Variants in CCDC124 observed in about 807,000 individuals in gnomAD.
The protein encoded by CCDC124 is coiled-coil domain containing 124.
In CCDC124, 9 loss-of-function variants were observed where a neutral mutation model predicts 19.8. The ratio of observed to expected loss-of-function variants is 0.45; its 90% CI spans 0.27 to 0.79. The LOEUF (loss-of-function observed/expected upper bound fraction) is 0.79. CCDC124 is among the 30% of genes least tolerant of loss of function. The pLI is 0.14. For synonymous variants in CCDC124, 126 were observed against 131.3 expected, an observed-to-expected ratio of 0.96 and a Z score of 0.27; for missense variants, 285 against 319.0, an observed-to-expected ratio of 0.89 and a Z score of 0.81.
chr19:17,943,242 C>CTGGG lies in CCDC124; in HGVS notation c.350-19_350-18insTGGG. ...TTTGCTTATCTCTCTCTGTCTCTGT[C>CTGGG]ACCCACCCACCCGCCCAGCCGAGAA... On this transcript the variant is annotated intron_variant, in intron 3 of 4. Transcript: ENST00000445755. 1.2e-4 allele frequency: 85 copies of CTGGG among 734,290 alleles called. No homozygotes were observed. Among genetic ancestry groups the CTGGG allele is most frequent in the East Asian group, 2.7e-4 (10 of 36,888 alleles). The allele number at this position is 734,290 out of a possible 1,614,324, so 45.5% of individuals were successfully genotyped here.
chr19:17,941,839 A>C (rs1240450513), intron 2 of CCDC124, among the ~76,000 whole-genome samples: 1 of 152,128 alleles, frequency 6.6e-6, no homozygotes, highest in East Asian at 1.9e-4. Context: ...GTCCCTGGGA[A>C]GGCTGAAGGT....
Position 17,936,533 on chromosome 19 carries a change from A to C in CCDC124, c.113A>C (p.Tyr38Ser). The change falls in exon 2 of 5, where the codon TAC becomes TCC. Residue 38 changes from tyrosine to serine, a missense_variant. Coordinates refer to ENST00000445755, the MANE Select transcript of CCDC124 (RefSeq NM_001136203.2). ...AAGCAGAAGGAGCTGGAGGATGCCT[A>C]CTGGAAGGACGACGACAAACACGTC... ...AKKQKELEDA[Y>S]WKDDDKHVMR... 6.2e-7 allele frequency: 1 copy of C among 1,613,664 alleles called. No homozygotes were observed. The highest frequency in any genetic ancestry group is 8.5e-7 in the Non-Finnish European group (1 of 1,179,880).
intron 2 of CCDC124, among the ~76,000 whole-genome samples, chr19:17,941,917 G>T (rs2031191691): frequency 6.6e-6 from 1 of 152,136 alleles, no homozygotes; most frequent in Non-Finnish European, 1.5e-5. Context: ...CCAGGGCCCT[G>T]CAGGAGTGCC....
Position 17,942,717 on chromosome 19 carries a change from T to G in CCDC124, c.221T>G (p.Leu74Arg), listed in dbSNP as rs1250478697. 12 of 1,552,798 alleles carry G rather than the reference T, an allele frequency of 7.7e-6. No individual in the cohort carries two copies. The highest frequency in any genetic ancestry group is 9.6e-6 in the Non-Finnish European group (11 of 1,148,314). ...LERKKETQRL[L>R]EEEDSKLKGG... ...CGTAAGAAGGAGACGCAGCGCCTAC[T>G]GGAGGAGGAGGACTCCAAGCTCAAG... Residue 74 changes from leucine (L) to arginine (R), a missense_variant, in exon 3 of 5, where the codon CTG becomes CGG. Physicochemically the swap from Leu to Arg is moderately radical, Grantham distance 102 (BLOSUM62 -2). Coordinates refer to ENST00000445755, the MANE Select transcript of CCDC124 (RefSeq NM_001136203.2). The surrounding 1 kb of genome is among the most constrained non-coding windows in gnomAD (Gnocchi z 4.2).
chr19:17,942,252 C>T lies in CCDC124; in HGVS notation c.160-404C>T, dbSNP rs949032534. 5.3e-5 allele frequency among the ~76,000 whole-genome samples: 8 copies of T among 151,962 alleles called. No individual in the cohort carries two copies. Among genetic ancestry groups the T allele is most frequent in the Admixed American group, 5.2e-4 (8 of 15,256 alleles). On this transcript the variant is annotated intron_variant, in intron 2 of 4. Coordinates refer to ENST00000445755, the MANE Select transcript of CCDC124 (RefSeq NM_001136203.2). The surrounding 1 kb of genome is among the most constrained non-coding windows in gnomAD (Gnocchi z 4.2). ...CCTGGCCCCCAGAGGCTCCGCATGGCCCAGCCGTCTCCCTCCCGGCCTCTT... is the reference window on the plus strand; with the variant it reads ...CCTGGCCCCCAGAGGCTCCGCATGGTCCAGCCGTCTCCCTCCCGGCCTCTT...
chr19:17,943,447 G>A, intron 4 of CCDC124, 61 bp from the exon 5 acceptor site: 1 of 1,568,244 alleles, frequency 6.4e-7, no homozygotes, highest in Non-Finnish European at 8.6e-7. Flanking sequence ...CTGGGGGCGG[G>A]GCCGGGCTTT....
intron 1 of CCDC124, among the ~76,000 whole-genome samples, chr19:17,933,544 A>C (rs1880963114): frequency 6.6e-6 from 1 of 152,090 alleles, no homozygotes; most frequent in Non-Finnish European, 1.5e-5. Flanking sequence ...AGCTCCTGCC[A>C]TCTGGGGAGT....
In CCDC124 at chr19:17,943,317, G is replaced by C. The variant is rs1390729773; in HGVS notation, c.406G>C (p.Val136Leu). 8 of 1,339,216 alleles carry C rather than the reference G, an allele frequency of 6.0e-6. No homozygotes were observed. The highest frequency in any genetic ancestry group is 6.2e-4 in the Middle Eastern group (2 of 3,238). 83.0% of individuals were successfully genotyped at this position (1,339,216 alleles called of 1,614,324 possible). The change falls in exon 4 of 5, where the codon GTG becomes CTG. Residue 136 changes from valine to leucine, a missense_variant. Val to Leu is a conservative substitution (Grantham distance 32, BLOSUM62 1). Transcript: ENST00000445755. ...VPLEENVNRR[V>L]LEEGSVEART... ...GCTGGAGGAGAACGTGAACCGCCGC[G>C]TGCTGGAGGAGGGCAGCGTGGAGGC... is the stretch of plus-strand genomic sequence containing the variant.
intron 1 of CCDC124, among the ~76,000 whole-genome samples, chr19:17,933,280 G>A (rs1644653599): frequency 6.6e-6 from 1 of 152,208 alleles, no homozygotes; most frequent in African/African-American, 2.4e-5. Flanking sequence ...GCCCCGGACT[G>A]CCCCTAGGCA....
chr19:17,936,461 C>A lies in CCDC124; in HGVS notation c.41C>A (p.Ala14Glu). Residue 14 changes from alanine (A) to glutamate (E), a missense_variant, in exon 2 of 5, where the codon GCG becomes GAG. Coordinates refer to ENST00000445755, the MANE Select transcript of CCDC124 (RefSeq NM_001136203.2). ...CAGGGTGAGAACACCAAGTCGGCAG[C>A]GGCCCGGGCACGTAGGGCAGAGGCC... ...KFQGENTKSA[A>E]ARARRAEAKA... The A allele has an allele frequency of 1.2e-6, 2 of 1,613,182 alleles. No homozygotes were observed. Among genetic ancestry groups the A allele is most frequent in the Non-Finnish European group, 1.7e-6 (2 of 1,179,768 alleles).
Position 17,943,241 on chromosome 19 carries a change from T to TCGGGGGGCCCCCCCC in CCDC124, c.350-19_350-18insGGGGGGCCCCCCCCC. 14 of 736,674 alleles carry TCGGGGGGCCCCCCCC rather than the reference T, an allele frequency of 1.9e-5. No homozygotes were observed. Among genetic ancestry groups the TCGGGGGGCCCCCCCC allele is most frequent in the Non-Finnish European group, 2.9e-5 (12 of 414,966 alleles). 45.6% of individuals were successfully genotyped at this position (736,674 alleles called of 1,614,324 possible). On this transcript the variant is annotated intron_variant, in intron 3 of 4. Coordinates refer to ENST00000445755, the MANE Select transcript of CCDC124 (RefSeq NM_001136203.2). Reference sequence around the variant, plus strand: ...CTTTGCTTATCTCTCTCTGTCTCTGTCACCCACCCACCCGCCCAGCCGAGA... The same window carrying TCGGGGGGCCCCCCCC: ...CTTTGCTTATCTCTCTCTGTCTCTGTCGGGGGGCCCCCCCCCACCCACCCACCCGCCCAGCCGAGA...
In CCDC124 at chr19:17,936,559, A is replaced by G. The variant is rs1409554149; in HGVS notation, c.139A>G (p.Met47Val). The change falls in exon 2 of 5, where the codon ATG becomes GTG. Residue 47 changes from methionine (M) to valine (V), a missense_variant. Physicochemically the swap from Met to Val is conservative, Grantham distance 21. Coordinates refer to ENST00000445755, the MANE Select transcript of CCDC124 (RefSeq NM_001136203.2). ...CTGGAAGGACGACGACAAACACGTCATGAGGAAGGAGCAGCGCAAGGTGCG... is the reference window on the plus strand; with the variant it reads ...CTGGAAGGACGACGACAAACACGTCGTGAGGAAGGAGCAGCGCAAGGTGCG... ...AYWKDDDKHV[M>V]RKEQRKEEKE... is the part of the protein sequence containing the mutation. 1.9e-6 allele frequency: 3 copies of G among 1,613,190 alleles called. No homozygotes were observed. Among genetic ancestry groups the G allele is most frequent in the East Asian group, 2.2e-5 (1 of 44,874 alleles).
chr19:17,936,209 T>C (rs1173506723), intron 1 of CCDC124: 1 of 499,330 alleles, frequency 2.0e-6, no homozygotes, highest in Non-Finnish European at 3.5e-6. Context: ...CTGGCCTAAA[T>C]GAGCTCATTT....
At chr19:17,939,349 C>T (rs888791585) in intron 2 of CCDC124, among the ~76,000 whole-genome samples, 22 of 151,960 alleles carry the variant, frequency 1.4e-4, no homozygotes, top group Admixed American at 5.3e-4. Flanking sequence ...GAGCCGGGAT[C>T]GCGCCACTGC....
chr19:17,936,737 T>C (rs1182969832), intron 2 of CCDC124, 158 bp downstream of exon 2: 3 of 876,306 alleles, frequency 3.4e-6, no homozygotes, highest in Non-Finnish European at 5.1e-6. Flanking sequence ...TCCCAGTACT[T>C]TGGGAGGCCG....
At position 17,943,352 on chromosome 19, in the gene CCDC124, C is replaced by T. The variant is rs758572228; in HGVS notation, c.441C>T (p.Ile147=). The T allele has an allele frequency of 6.3e-7, 1 of 1,588,168 alleles. No individual in the cohort carries two copies. Among genetic ancestry groups the T allele is most frequent in the Non-Finnish European group, 8.5e-7 (1 of 1,171,752 alleles). The change falls in exon 4 of 5, where the codon ATC becomes ATT. Residue 147 remains isoleucine (I), a synonymous_variant. Transcript: ENST00000445755. ...AGGGCAGCGTGGAGGCGCGCACCAT[C>T]GAGGACGCCATTGCAGTGCTCAGGT... is the stretch of plus-strand genomic sequence containing the variant. ...LEEGSVEART[I]EDAIAVLSVA... is the part of the protein sequence containing the mutation.
intron 3 of CCDC124, 79 bp from the exon 4 acceptor site, chr19:17,943,182 C>T (rs1284632299): frequency 2.5e-6 from 3 of 1,194,236 alleles, no homozygotes; most frequent in African/African-American, 3.0e-5. Context: ...GCTTCTCTTG[C>T]CAGTCTCTAT....
rs2031151728 is a variant in CCDC124, at chr19:17,940,323, G to A, written c.160-2333G>A. Reference sequence around the variant, plus strand: ...ATTGCATGCATCCGGGACAAGGTATGGAGGGGGTTGGACAGGCAATTGGGG... The same window carrying A: ...ATTGCATGCATCCGGGACAAGGTATAGAGGGGGTTGGACAGGCAATTGGGG... On this transcript the variant is annotated intron_variant, in intron 2 of 4. Transcript: ENST00000445755. 3.3e-5 allele frequency among the ~76,000 whole-genome samples: 5 copies of A among 152,288 alleles called. No individual in the cohort carries two copies. In the South Asian group the frequency reaches 1.0e-3, roughly 32 times the overall value.
rs966401529 is a variant in CCDC124 at position 17,943,861 on chromosome 19, C to T, written c.*146C>T. 2.6e-4 allele frequency: 194 copies of T among 740,328 alleles called. No homozygotes were observed. The highest frequency in any genetic ancestry group is 1.2e-3 in the Admixed American group (42 of 36,388). The allele number at this position is 740,328 out of a possible 1,614,324, so 45.9% of individuals were successfully genotyped here. Reference sequence around the variant, plus strand: ...GGGCCATGCTCTTATCACCAGCCACCCGTCCTCCCGCCAGAGGGTCCCTGC... The same window carrying T: ...GGGCCATGCTCTTATCACCAGCCACTCGTCCTCCCGCCAGAGGGTCCCTGC... On this transcript the variant is annotated 3_prime_UTR_variant, in exon 5 of 5. Coordinates refer to ENST00000445755, the MANE Select transcript of CCDC124 (RefSeq NM_001136203.2).
Sources: allele counts gnomAD v4.1 joint callset (sites outside exome capture counted in the v4.1 genomes callset), GRCh38; gene constraint gnomAD v4.1.1; non-coding constraint Gnocchi (gnomAD v3.1); transcripts MANE v1.5; gene names NCBI Gene and HGNC (gene_info 2026-07-23, HGNC 2026-07-21).